PCDHGA8: variants seen among roughly 807,000 people sequenced by gnomAD.
PCDHGA8 encodes the protein protocadherin gamma-A8.
A neutral mutation model predicts 59.2 loss-of-function variants in PCDHGA8; 45 were observed. That is an observed-to-expected ratio of 0.76 (90% confidence interval 0.60 to 0.98). The LOEUF is 0.98. Among genes scored for constraint, PCDHGA8 ranks in the 50% least tolerant of loss-of-function variants. The pLI is 0.00. For missense variants in PCDHGA8, 1,257 were observed against 1,196.2 expected (o/e 1.05, Z -0.75); for synonymous variants, 531 against 519.0 (o/e 1.02, Z -0.32).
intron 2 of PCDHGA8, among the ~76,000 whole-genome samples, chr5:141,505,007 C>T (rs1210694913): frequency 6.6e-6 from 1 of 152,050 alleles, no homozygotes; most frequent in Non-Finnish European, 1.5e-5. Flanking sequence ...ACTAAAAATA[C>T]AAAAATTAGC....
chr5:141,476,743 T>A lies in PCDHGA8; in HGVS notation c.2425-18064T>A. On this transcript the variant is annotated intron_variant, in intron 1 of 3. Coordinates refer to ENST00000398604, the MANE Select transcript of PCDHGA8 (RefSeq NM_032088.2). The surrounding 1 kb of genome is among the most constrained non-coding windows in gnomAD (Gnocchi z 7.6). ...CCCTGGACCGAGAACGGGAGCCTAG[T>A]CTCCAGTTAGTGCTGACGGCGTTGG... is the stretch of plus-strand genomic sequence containing the variant. The A allele has an allele frequency of 6.2e-7, 1 of 1,613,932 alleles. No individual in the cohort carries two copies. The highest frequency in any genetic ancestry group is 1.1e-5 in the South Asian group (1 of 91,064).
chr5:141,425,714 A>G (rs1259037833), intron 1 of PCDHGA8, among the ~76,000 whole-genome samples: 1 of 152,218 alleles, frequency 6.6e-6, no homozygotes, highest in African/African-American at 2.4e-5. Context: ...AAATTTTCCC[A>G]TACCACTTGA....
At chr5:141,415,315 G>A (rs201784236) in intron 1 of PCDHGA8, 2 of 1,614,220 alleles carry the variant, frequency 1.2e-6, no homozygotes, top group Middle Eastern at 1.6e-4. Context: ...CTTCGTCATC[G>A]TGCTGCTGGC....
intron 1 of PCDHGA8, chr5:141,441,982 G>T: frequency 3.6e-6 from 1 of 277,096 alleles, no homozygotes; most frequent in South Asian, 3.6e-5. Flanking sequence ...CCTGGAATGC[G>T]CACCGACGAG....
At position 141,486,418 on chromosome 5, in the gene PCDHGA8, A is replaced by G. The variant is rs1174910867; in HGVS notation, c.2425-8389A>G. On this transcript the variant is annotated intron_variant, in intron 1 of 3. Transcript: ENST00000398604. This position sits in a 1 kb window ranked among gnomAD's most constrained non-coding sequence, Gnocchi z 5.0. ...TGGTGACTGCTGGACCCTTGGATCG[A>G]GAGGCCAAATCTAGCTATGACATCA... is the stretch of plus-strand genomic sequence containing the variant. The G allele has an allele frequency of 3.7e-6, 6 of 1,614,176 alleles. No individual in the cohort carries two copies. Among genetic ancestry groups the G allele is most frequent in the Non-Finnish European group, 5.1e-6 (6 of 1,180,020 alleles).
At chr5:141,398,496 C>G (rs1435117425) in intron 1 of PCDHGA8, 2 of 1,608,668 alleles carry the variant, frequency 1.2e-6, no homozygotes, top group Admixed American at 1.7e-5. Context: ...ATGTGGAGAT[C>G]GAGGACATTA....
At chr5:141,472,295 A>G (rs147192748) in intron 1 of PCDHGA8, among the ~76,000 whole-genome samples, 8,225 of 152,254 alleles carry the variant, frequency 0.054, 462 homozygotes, top group African/African-American at 0.15. Flanking sequence ...TAATCCCAGC[A>G]CTTTGGGAAG....
intron 1 of PCDHGA8, chr5:141,423,851 C>T (rs1311833319): frequency 7.8e-6 from 10 of 1,275,940 alleles, no homozygotes; most frequent in African/African-American, 1.6e-5. Flanking sequence ...TCTTTCAGAA[C>T]GTTTTTGTGA....
At chr5:141,400,440 A>G (rs1351638844) in intron 1 of PCDHGA8, 2 of 1,614,094 alleles carry the variant, frequency 1.2e-6, no homozygotes, top group Non-Finnish European at 1.7e-6. Context: ...AATTGAGTTC[A>G]GGACAAGACA....
Position 141,393,006 on chromosome 5 carries a change from C to T in PCDHGA8, c.193C>T (p.Arg65Cys), listed in dbSNP as rs182052960. Residue 65 changes from arginine to cysteine, a missense_variant, in exon 1 of 4, where the codon CGT becomes TGT. Coordinates refer to ENST00000398604, the MANE Select transcript of PCDHGA8 (RefSeq NM_032088.2). ...CCGGAAGCTGGCGAAGCACGGAGTC[C>T]GTATCGTCTCCAGAGGTAGGACGCA... is the stretch of plus-strand genomic sequence containing the variant. ...DPRKLAKHGV[R>C]IVSRGRTQLF... 3.5e-3 allele frequency: 5,649 copies of T among 1,613,866 alleles called. 26 individuals are homozygous for T. The highest frequency in any genetic ancestry group is 4.1e-3 in the Non-Finnish European group (4,855 of 1,179,884).
At chr5:141,503,089 G>C (rs1352372525) in intron 2 of PCDHGA8, among the ~76,000 whole-genome samples, 2 of 151,590 alleles carry the variant, frequency 1.3e-5, no homozygotes, top group Non-Finnish European at 2.9e-5. Context: ...TCCTGACCTC[G>C]TGGTCTGCCC....
Position 141,485,274 on chromosome 5 carries a change from C to A in PCDHGA8, c.2425-9533C>A. 1 of 1,614,106 alleles carries A rather than the reference C, an allele frequency of 6.2e-7. No homozygotes were observed. The highest frequency in any genetic ancestry group is 1.3e-5 in the African/African-American group (1 of 75,036). ...TACGTTTGTGGGCAGATCCGCTACC[C>A]GGTCCCAGAGGAGTCACAGGAAGGG... On this transcript the variant is annotated intron_variant, in intron 1 of 3. Transcript: ENST00000398604. The surrounding 1 kb of genome is among the most constrained non-coding windows in gnomAD (Gnocchi z 5.7).
chr5:141,435,629 A>G (rs2097772414), intron 1 of PCDHGA8, among the ~76,000 whole-genome samples: 1 of 152,162 alleles, frequency 6.6e-6, no homozygotes, highest in Admixed American at 6.5e-5. Flanking sequence ...TAACTTTTAC[A>G]ACTATGGGAA....
chr5:141,417,387 G>GA (rs1356605500), intron 1 of PCDHGA8: 1 of 154,090 alleles, frequency 6.5e-6, no homozygotes, highest in Non-Finnish European at 1.4e-5. Context: ...AAATTTTGAA[G>GA]AAAAAATATT....
Position 141,491,382 on chromosome 5 carries a change from G to T in PCDHGA8, c.2425-3425G>T, listed in dbSNP as rs918558. 0.21 allele frequency: 331,798 copies of T among 1,613,774 alleles called. 36,318 individuals are homozygous for T. The highest frequency in any genetic ancestry group is 0.37 in the Admixed American group (22,359 of 60,012). ...TAGTCACCTTCACCTTTCTGTCAGC[G>T]AAGTGCCTTCAGGGAAACGCAGACG... is the stretch of plus-strand genomic sequence containing the variant. On this transcript the variant is annotated intron_variant, in intron 1 of 3. Transcript: ENST00000398604. This position sits in a 1 kb window ranked among gnomAD's most constrained non-coding sequence, Gnocchi z 6.9.
intron 1 of PCDHGA8, chr5:141,399,954 G>A (rs1327007587): frequency 3.7e-6 from 6 of 1,612,110 alleles, no homozygotes; most frequent in Non-Finnish European, 4.2e-6. Context: ...AGGCTAGCGA[G>A]CCCGGGCTCT....
chr5:141,421,019 C>T, intron 1 of PCDHGA8: 1 of 516,402 alleles, frequency 1.9e-6, no homozygotes, highest in Non-Finnish European at 3.4e-6. Flanking sequence ...TGGGAAGCTG[C>T]GCGCCATTGA....
chr5:141,413,965 C>G (rs2095696868), intron 1 of PCDHGA8: 2 of 1,613,292 alleles, frequency 1.2e-6, no homozygotes, highest in East Asian at 2.2e-5. Context: ...TGTGGGCACT[C>G]AGCTGCTGAC....
At chr5:141,421,164 A>C (rs1304650780) in intron 1 of PCDHGA8, 9 of 1,286,298 alleles carry the variant, frequency 7.0e-6, no homozygotes, top group Non-Finnish European at 9.4e-6. Context: ...GACTTCATAG[A>C]TACATAAGCC....
Sources: allele counts gnomAD v4.1 joint callset (sites outside exome capture counted in the v4.1 genomes callset), GRCh38; gene constraint gnomAD v4.1.1; non-coding constraint Gnocchi (gnomAD v3.1); transcripts MANE v1.5; gene names NCBI Gene and HGNC (gene_info 2026-07-23, HGNC 2026-07-21).